Variants in NTPCR observed in about 807,000 individuals in gnomAD.
NTPCR encodes nucleoside-triphosphatase, cancer-related, also known as cancer-related nucleoside-triphosphatase.
NTPCR carries 15 observed loss-of-function variants against 19.5 expected under a neutral mutation model. That is an observed-to-expected ratio of 0.77 (90% CI 0.51 to 1.18). The LOEUF is 1.18. Ranked by LOEUF, NTPCR falls within the 50% of genes most tolerant of loss-of-function variation. NTPCR has a pLI of 0.00. For missense variants in NTPCR, 206 were observed against 240.4 expected (o/e 0.86, Z 0.95); for synonymous variants, 90 against 95.8 (o/e 0.94, Z 0.36).
intron 4 of NTPCR, among the ~76,000 whole-genome samples, chr1:232,971,243 C>T (rs897806646): frequency 6.6e-6 from 1 of 152,198 alleles, no homozygotes; most frequent in Non-Finnish European, 1.5e-5. Flanking sequence ...TCACTCCCCA[C>T]CCCCAGTTTA....
In NTPCR at chr1:232,979,100, G is replaced by T. The variant is rs1272240041; in HGVS notation, c.*869G>T. On this transcript the variant is annotated 3_prime_UTR_variant, in exon 5 of 5. Transcript: ENST00000366628. This position sits in a 1 kb window ranked among gnomAD's most constrained non-coding sequence, Gnocchi z 5.3. ...TTATCAGGAATAATGGTGTAGCAAT[G>T]CGGAGTTCAGCCCATAACAGGGGTA... 1 of 152,118 alleles carries T rather than the reference G, an allele frequency of 6.6e-6. No homozygotes were observed. The highest frequency in any genetic ancestry group is 1.5e-5 in the Non-Finnish European group (1 of 68,036). The allele number at this position is 152,118 out of a possible 1,614,324, so 9.4% of individuals were successfully genotyped here.
chr1:232,970,025 G>A lies in NTPCR; in HGVS notation c.411G>A (p.Gly137=). The A allele has an allele frequency of 6.2e-7, 1 of 1,614,138 alleles. No individual in the cohort carries two copies. The highest frequency in any genetic ancestry group is 2.2e-5 in the East Asian group (1 of 44,882). Residue 137 remains glycine, a synonymous_variant, in exon 4 of 5, where the codon GGG becomes GGA. Coordinates refer to ENST00000366628, the MANE Select transcript of NTPCR (RefSeq NM_032324.3). ...QAVRQTLSTP[G]TIILGTIPVP... is the part of the protein sequence containing the mutation. The stretch of plus-strand genomic sequence containing the variant: ...TTCGTCAGACGCTGTCTACCCCAGG[G>A]ACTATAATCCTTGGCACAATCCCAG...
At chr1:232,970,908 G>A (rs542778569) in intron 4 of NTPCR, among the ~76,000 whole-genome samples, 48 of 152,256 alleles carry the variant, frequency 3.2e-4, no homozygotes, top group African/African-American at 1.1e-3. Flanking sequence ...CCTTGCCCTG[G>A]TCCAAGGAGT....
In NTPCR at chr1:232,982,948, A is replaced by C. The variant is rs568550151; in HGVS notation, c.*4717A>C. On this transcript the variant is annotated 3_prime_UTR_variant, in exon 5 of 5. Coordinates refer to ENST00000366628, the MANE Select transcript of NTPCR (RefSeq NM_032324.3). Reference sequence around the variant, plus strand: ...AGGCCCTATCAGCTTCCCATTAGACAAACAACTGCATTTAAATTAAATAAA... The same window carrying C: ...AGGCCCTATCAGCTTCCCATTAGACCAACAACTGCATTTAAATTAAATAAA... 5.3e-5 allele frequency: 8 copies of C among 152,186 alleles called. No individual in the cohort carries two copies. Among genetic ancestry groups the C allele is most frequent in the Non-Finnish European group, 1.0e-4 (7 of 68,022 alleles). 9.4% of individuals were successfully genotyped at this position (152,186 alleles called of 1,614,324 possible). A position where few individuals can be genotyped will look rare whatever the true frequency, so the allele number is the denominator to read the frequency against.
At chr1:232,978,033 C>T (rs1272308981) in intron 4 of NTPCR, 130 bp from the exon 5 acceptor site, 2 of 676,242 alleles carry the variant, frequency 3.0e-6, no homozygotes, top group Non-Finnish European at 5.1e-6. Flanking sequence ...AGCTGGGCCT[C>T]CTGCCTGGGT....
chr1:232,950,815 T>C (rs1371882292), intron 1 of NTPCR, 71 bp downstream of exon 1: 1 of 1,089,376 alleles, frequency 9.2e-7, no homozygotes, highest in Non-Finnish European at 1.3e-6. Flanking sequence ...GGCGACCTTG[T>C]GCTGTCGGGG....
Position 232,979,630 on chromosome 1 carries a change from T to C in NTPCR, c.*1399T>C, listed in dbSNP as rs1669233953. 6.6e-6 allele frequency: 1 copy of C among 152,324 alleles called. No individual in the cohort carries two copies. The highest frequency in any genetic ancestry group is 1.5e-5 in the Non-Finnish European group (1 of 68,114). 9.4% of individuals were successfully genotyped at this position (152,324 alleles called of 1,614,324 possible). On this transcript the variant is annotated 3_prime_UTR_variant, in exon 5 of 5. Transcript: ENST00000366628. The surrounding 1 kb of genome is among the most constrained non-coding windows in gnomAD (Gnocchi z 5.3). ...CCAGGAGGAGGAAGTGGGCATCTCC[T>C]TCCACAGTCCCTGCCTGGCGGGGCT... is the stretch of plus-strand genomic sequence containing the variant.
At chr1:232,959,597 A>C (rs75758796) in intron 3 of NTPCR, among the ~76,000 whole-genome samples, 6,648 of 152,280 alleles carry the variant, frequency 0.044, 200 homozygotes, top group South Asian at 0.086. Context: ...TAATTAAAAT[A>C]ATTAGGCAAC....
At chr1:232,973,938 A>G (rs1408267494) in intron 4 of NTPCR, among the ~76,000 whole-genome samples, 1 of 152,226 alleles carries the variant, frequency 6.6e-6, no homozygotes, top group Non-Finnish European at 1.5e-5. Context: ...TGGGACTATA[A>G]CAAAAGATGT....
Position 232,973,110 on chromosome 1 carries a change from G to A in NTPCR, c.504+2992G>A, listed in dbSNP as rs557087877. On this transcript the variant is annotated intron_variant, in intron 4 of 4. Transcript: ENST00000366628. Reference sequence around the variant, plus strand: ...TCCCCTTGCTACCAGCTGAACATGCGTAGTGTGAAGATGAGACTGAGCCCG... The same window carrying A: ...TCCCCTTGCTACCAGCTGAACATGCATAGTGTGAAGATGAGACTGAGCCCG... 5.9e-5 allele frequency among the ~76,000 whole-genome samples: 9 copies of A among 152,282 alleles called. No homozygotes were observed. In the East Asian group the frequency reaches 7.7e-4, roughly 13 times the overall value.
Position 232,980,087 on chromosome 1 carries a change from A to G in NTPCR, c.*1856A>G, listed in dbSNP as rs1055642991. ...TGTTTCAGCCGTGTCTGTTTTGTAGACTTTGATTTTGTCTTAAATGAGAAA... is the reference window on the plus strand; with the variant it reads ...TGTTTCAGCCGTGTCTGTTTTGTAGGCTTTGATTTTGTCTTAAATGAGAAA... On this transcript the variant is annotated 3_prime_UTR_variant, in exon 5 of 5. Transcript: ENST00000366628. 5.3e-5 allele frequency: 8 copies of G among 152,130 alleles called. No individual in the cohort carries two copies. The highest frequency in any genetic ancestry group is 1.7e-4 in the African/African-American group (7 of 41,402). The allele number at this position is 152,130 out of a possible 1,614,324, so 9.4% of individuals were successfully genotyped here. A position where few individuals can be genotyped will look rare whatever the true frequency, so the allele number is the denominator to read the frequency against.
chr1:232,960,852 A>G (rs569249626), intron 3 of NTPCR, among the ~76,000 whole-genome samples: 2 of 152,294 alleles, frequency 1.3e-5, no homozygotes, highest in Middle Eastern at 3.4e-3. Context: ...TTCAAGTTCT[A>G]GATATTCATG....
At chr1:232,955,839 T>G (rs1297092544) in intron 2 of NTPCR, 120 bp downstream of exon 2, 1 of 920,924 alleles carries the variant, frequency 1.1e-6, no homozygotes, top group East Asian at 2.6e-5. Context: ...GGTCCTTGGA[T>G]GCCCATCTGC....
At chr1:232,976,584 A>G (rs1669130316) in intron 4 of NTPCR, 6 of 1,463,790 alleles carry the variant, frequency 4.1e-6, no homozygotes, top group Non-Finnish European at 4.5e-6. Context: ...AAAAAGCCTT[A>G]TAGGCTTTGG....
At chr1:232,950,821 C>G in intron 1 of NTPCR, 77 bp downstream of exon 1, 1 of 964,538 alleles carries the variant, frequency 1.0e-6, no homozygotes, top group Non-Finnish European at 1.5e-6. Flanking sequence ...CTTGTGCTGT[C>G]GGGGAGGGTC....
Position 232,950,640 on chromosome 1 carries a change from G to T in NTPCR, c.-71G>T, listed in dbSNP as rs1212141525. ...GGGTCCTGAGTCGCGACCCTGGTCC[G>T]GACCTGACCTGAATTGCGACCCCAA... On this transcript the variant is annotated 5_prime_UTR_variant, in exon 1 of 5. Transcript: ENST00000366628. The T allele has an allele frequency of 1.5e-6, 2 of 1,292,214 alleles. No homozygotes were observed. The highest frequency in any genetic ancestry group is 2.2e-6 in the Non-Finnish European group (2 of 893,100). 80.0% of individuals were successfully genotyped at this position (1,292,214 alleles called of 1,614,324 possible). A position where few individuals can be genotyped will look rare whatever the true frequency, so the allele number is the denominator to read the frequency against.
chr1:232,970,620 G>A (rs1164670100), intron 4 of NTPCR, among the ~76,000 whole-genome samples: 2 of 152,208 alleles, frequency 1.3e-5, no homozygotes, highest in East Asian at 3.8e-4. Flanking sequence ...CCAGTAGTGA[G>A]GGAAATGTGC....
chr1:232,966,385 A>G (rs1668817585), intron 3 of NTPCR: 1 of 152,226 alleles, frequency 6.6e-6, no homozygotes, highest in Non-Finnish European at 1.5e-5. Context: ...TAAAATTAAC[A>G]TTAATACCAC....
rs767480078 is a variant in NTPCR, at chr1:232,955,543, T to A, written c.35-14T>A. 4.0e-5 allele frequency: 60 copies of A among 1,492,444 alleles called. No homozygotes were observed. The highest frequency in any genetic ancestry group is 2.7e-4 in the South Asian group (20 of 75,012). 92.5% of individuals were successfully genotyped at this position (1,492,444 alleles called of 1,614,324 possible). A position where few individuals can be genotyped will look rare whatever the true frequency, so the allele number is the denominator to read the frequency against. Reference sequence around the variant, plus strand: ...TGGGCTTTTCTTCTTTTTTTTTTTTTTTTTTTATTTTAGGAGTTGGAAAAA... The same window carrying A: ...TGGGCTTTTCTTCTTTTTTTTTTTTATTTTTTATTTTAGGAGTTGGAAAAA... On this transcript the variant is annotated splice_polypyrimidine_tract_variant and intron_variant, in intron 1 of 4. Coordinates refer to ENST00000366628, the MANE Select transcript of NTPCR (RefSeq NM_032324.3).
Sources: gnomAD v4.1 joint callset for allele counts (sites outside exome capture counted in the v4.1 genomes callset) on GRCh38, gnomAD v4.1.1 for gene constraint, Gnocchi (gnomAD v3.1) non-coding constraint, MANE v1.5 for transcripts, NCBI Gene and HGNC (gene_info 2026-07-23, HGNC 2026-07-21) for gene names.